The following ZNF254 variants were observed in gnomAD, a reference collection of about 807,000 sequenced individuals.
ZNF254 encodes the protein CTD-2017D11.1.
ZNF254 carries 10 observed loss-of-function variants against 12.4 expected under a neutral mutation model. That is an observed-to-expected ratio of 0.80 (90% CI 0.50 to 1.36). ZNF254 has a LOEUF of 1.36. Ranked by LOEUF, ZNF254 falls within the 40% of genes most tolerant of loss-of-function variation. The pLI is 0.00. For synonymous variants in ZNF254, 305 were observed against 253.4 expected (o/e 1.20, Z -1.93); for missense variants, 996 against 763.9 (o/e 1.30, Z -3.58).
At chr19:24,092,897 C>T (rs1460360295) in intron 1 of ZNF254, among the ~76,000 whole-genome samples, 1 of 152,180 alleles carries the variant, frequency 6.6e-6, no homozygotes, top group Non-Finnish European at 1.5e-5. Flanking sequence ...CTGCTTTTTA[C>T]AATGGTTGAA....
rs762215595 is a variant in ZNF254 at position 24,127,680 on chromosome 19, C to T, written c.1680C>T (p.Ile560=). The part of the protein sequence containing the change: ...KCGKAFKQSS[I]LTNHKRIHTG... ...GCAAAGCCTTTAAGCAGTCTTCAAT[C>T]CTTACTAACCATAAGAGAATTCATA... The change falls in exon 4 of 4, where the codon ATC becomes ATT. Residue 560 remains isoleucine, a synonymous_variant. Coordinates refer to ENST00000357002, the MANE Select transcript of ZNF254 (RefSeq NM_203282.4). The T allele has an allele frequency of 6.2e-7, 1 of 1,613,250 alleles. No individual in the cohort carries two copies. Among genetic ancestry groups the T allele is most frequent in the Non-Finnish European group, 8.5e-7 (1 of 1,179,680 alleles).
intron 2 of ZNF254, among the ~76,000 whole-genome samples, chr19:24,065,290 G>T (rs1373976890): frequency 2.6e-5 from 4 of 152,194 alleles, no homozygotes; most frequent in African/African-American, 9.6e-5. Flanking sequence ...TGACACCCAG[G>T]TGATCATACT....
Position 24,060,425 on chromosome 19 carries a change from A to G in ZNF254, c.-94+14146A>G, listed in dbSNP as rs1971022558. On this transcript the variant is annotated intron_variant, in intron 2 of 4. Coordinates refer to the ZNF254 transcript ENST00000613065. ...CCCTTAAAAGACATTGTGACATACT[A>G]CAGTGCCCAGCATCAATGTAATTTG... Among the ~76,000 whole-genome samples the G allele has an allele frequency of 2.0e-5, 3 of 152,208 alleles. No individual in the cohort carries two copies. The South Asian group carries it at 6.2e-4, about 32-fold the overall frequency.
At chr19:24,040,139 A>G (rs62113664) in intron 1 of ZNF254, among the ~76,000 whole-genome samples, 1 of 152,022 alleles carries the variant, frequency 6.6e-6, no homozygotes, top group Admixed American at 6.6e-5. Context: ...CCTATGCTCT[A>G]TGAGCCTTGT....
chr19:24,113,350 A>G (rs540531797), intron 3 of ZNF254, among the ~76,000 whole-genome samples: 2 of 152,242 alleles, frequency 1.3e-5, no homozygotes, highest in Non-Finnish European at 2.9e-5. Flanking sequence ...AGTGGGCTTC[A>G]TCCCTGGGAT....
intron 1 of ZNF254, among the ~76,000 whole-genome samples, chr19:24,034,796 T>A (rs1969905005): frequency 6.6e-6 from 1 of 151,626 alleles, no homozygotes; most frequent in South Asian, 2.1e-4. Flanking sequence ...TTTTTTTTTT[T>A]TTTTTGAGAC....
In ZNF254 at chr19:24,068,637, A is replaced by T. The variant is rs751748207; in HGVS notation, c.-94+22358A>T. Among the ~76,000 whole-genome samples, 3 of 152,104 alleles carry T rather than the reference A, an allele frequency of 2.0e-5. 1 individual carries two copies. The highest frequency in any genetic ancestry group is 4.1e-4 in the South Asian group (2 of 4,822). On this transcript the variant is annotated intron_variant, in intron 2 of 4. Coordinates refer to the ZNF254 transcript ENST00000613065. The stretch of plus-strand genomic sequence containing the variant: ...ATCTTATAGGATTAGATTTTAATCC[A>T]TCCCCAGCCAAGAACCTAGATGATG...
intron 1 of ZNF254, among the ~76,000 whole-genome samples, chr19:24,036,047 C>G (rs1442635473): frequency 6.6e-6 from 1 of 151,074 alleles, no homozygotes; most frequent in Non-Finnish European, 1.5e-5. Context: ...AAGTATAATG[C>G]TTTTGTTTTG....
chr19:24,086,621 G>A (rs1972050100), upstream of ZNF254, among the ~76,000 whole-genome samples: 1 of 152,092 alleles, frequency 6.6e-6, no homozygotes, highest in Admixed American at 6.6e-5. Context: ...GGTATTACAG[G>A]CACGTGCCAC....
At chr19:24,037,404 C>T (rs1476955103) in intron 1 of ZNF254, among the ~76,000 whole-genome samples, 1 of 152,118 alleles carries the variant, frequency 6.6e-6, no homozygotes, top group African/African-American at 2.4e-5. Context: ...TTTCTTAAAG[C>T]ATTTACTTTA....
intron 1 of ZNF254, among the ~76,000 whole-genome samples, chr19:24,096,519 G>A (rs1458248169): frequency 6.6e-6 from 1 of 152,128 alleles, no homozygotes; most frequent in Non-Finnish European, 1.5e-5. Context: ...TGTGGTCTAT[G>A]TGTTTGTTCT....
At chr19:24,067,765 A>G (rs576311725) in intron 2 of ZNF254, among the ~76,000 whole-genome samples, 14 of 152,172 alleles carry the variant, frequency 9.2e-5, no homozygotes, top group Admixed American at 4.6e-4. Context: ...CACCTACGTA[A>G]TGGGACTCTT....
intron 1 of ZNF254, 85 bp from the exon 2 acceptor site, chr19:24,105,855 A>G (rs566520676): frequency 6.0e-5 from 92 of 1,528,826 alleles, no homozygotes; most frequent in Admixed American, 7.1e-5. Context: ...AACCAGTTCT[A>G]TTTACTCTAA....
At chr19:24,086,697 C>G (rs7257370), upstream of ZNF254, among the ~76,000 whole-genome samples, 151,637 of 152,234 alleles carry the variant, frequency 1, 75,540 homozygotes, top group Middle Eastern at 1. Context: ...GGCTGGTCTC[C>G]AACACATGAC....
chr19:24,091,881 A>AT (rs111787297), intron 1 of ZNF254: 75,795 of 797,742 alleles, frequency 0.095, no homozygotes, highest in Non-Finnish European at 0.11. Flanking sequence ...TATGTGATTA[A>AT]TTTTTTTTTT....
At chr19:24,049,333 AAG>A (rs1970559365) in intron 2 of ZNF254, 1 of 150,684 alleles carries the variant, frequency 6.6e-6, no homozygotes, top group African/African-American at 2.5e-5. Context: ...TGACCTCCCA[AAG>A]TGCTGGGATT....
At chr19:24,099,812 CA>C (rs1972902692) in intron 1 of ZNF254, among the ~76,000 whole-genome samples, 1 of 152,066 alleles carries the variant, frequency 6.6e-6, no homozygotes, top group Admixed American at 6.6e-5. Flanking sequence ...ATGTGATATT[CA>C]GATTTAAGTG....
intron 3 of ZNF254, among the ~76,000 whole-genome samples, chr19:24,110,010 T>G (rs1044869205): frequency 1.3e-5 from 2 of 152,100 alleles, no homozygotes; most frequent in African/African-American, 4.8e-5. Flanking sequence ...ATTACAGGCA[T>G]GAGCCACCGT....
chr19:24,074,385 AC>A (rs1226675469), intron 2 of ZNF254, among the ~76,000 whole-genome samples: 1 of 152,082 alleles, frequency 6.6e-6, no homozygotes, highest in Non-Finnish European at 1.5e-5. Flanking sequence ...TTCTGTCCAA[AC>A]CCTGCCCATA....
Sources: gnomAD v4.1 joint callset for allele counts (sites outside exome capture counted in the v4.1 genomes callset) on GRCh38, gnomAD v4.1.1 for gene constraint, MANE v1.5 for transcripts, NCBI Gene and HGNC (gene_info 2026-07-23, HGNC 2026-07-21) for gene names.